Variants in PTCRA observed in about 807,000 individuals in gnomAD.
The protein encoded by PTCRA is pre T cell antigen receptor alpha.
In PTCRA, 9 loss-of-function variants were observed where a neutral mutation model predicts 13.4. The ratio of observed to expected loss-of-function variants is 0.67; its 90% CI spans 0.41 to 1.18. The LOEUF (loss-of-function observed/expected upper bound fraction) is 1.18, where lower values mean the gene tolerates loss of function less well. PTCRA is among the 50% of genes most tolerant of loss of function. The pLI, the probability that PTCRA is intolerant of heterozygous loss-of-function variation, is 0.01. For missense variants in PTCRA, 353 were observed against 359.8 expected, an observed-to-expected ratio of 0.98 and a Z score of 0.15; for synonymous variants, 153 against 161.9, an observed-to-expected ratio of 0.94 and a Z score of 0.42.
chr6:42,925,168 G>C lies in PTCRA; in HGVS notation c.425-93G>C. 6.8e-7 allele frequency: 1 copy of C among 1,479,200 alleles called. No homozygotes were observed. Among genetic ancestry groups the C allele is most frequent in the Non-Finnish European group, 9.0e-7 (1 of 1,114,260 alleles). The allele number at this position is 1,479,200 out of a possible 1,614,324, so 91.6% of individuals were successfully genotyped here. On this transcript the variant is annotated intron_variant, in intron 3 of 3. Transcript: ENST00000304672. The surrounding 1 kb of genome is among the most constrained non-coding windows in gnomAD (Gnocchi z 4.4). ...CCTGGAGGAGGGGGTGAAGGGGACG[G>C]GCAAGGGCAGAGGACAAGGCCCTCT...
At position 42,917,526 on chromosome 6, in the gene PTCRA, ATATTATTATTAT is replaced by A. The variant is rs71547824; in HGVS notation, c.58+1432_58+1443del. ...CGTGAGCCACCTCACCCAGCCCGTT[ATATTATTATTAT>A]TATTATTATTATTATTATTATTATT... is the stretch of plus-strand genomic sequence containing the variant. On this transcript the variant is annotated intron_variant, in intron 1 of 3. Coordinates refer to ENST00000304672, the MANE Select transcript of PTCRA (RefSeq NM_138296.3). 3.9e-3 allele frequency among the ~76,000 whole-genome samples: 512 copies of A among 131,712 alleles called. 6 individuals are homozygous for A. The highest frequency in any genetic ancestry group is 0.012 in the Middle Eastern group (3 of 256). 86.4% of individuals were successfully genotyped at this position (131,712 alleles called of 152,430 possible).
In PTCRA at chr6:42,925,404, G is replaced by A; in HGVS notation, c.568G>A (p.Ala190Thr). 1 of 1,554,746 alleles carries A rather than the reference G, an allele frequency of 6.4e-7. No homozygotes were observed. Among genetic ancestry groups the A allele is most frequent in the Admixed American group, 1.9e-5 (1 of 51,566 alleles). Reference sequence around the variant, plus strand: ...CCCCGCAACCACCACCCGCCTGCGAGCCCTCGGCTCCCATCGACTGCACCC... The same window carrying A: ...CCCCGCAACCACCACCCGCCTGCGAACCCTCGGCTCCCATCGACTGCACCC... Reference protein sequence around the residue: ...PSPATTTRLRALGSHRLHPAT... With the variant: ...PSPATTTRLRTLGSHRLHPAT... Residue 190 changes from alanine (A) to threonine (T), a missense_variant, in exon 4 of 4, where the codon GCC becomes ACC. Physicochemically the swap from Ala to Thr is moderately conservative, Grantham distance 58. Transcript: ENST00000304672. The surrounding 1 kb of genome is among the most constrained non-coding windows in gnomAD (Gnocchi z 4.4).
Position 42,923,126 on chromosome 6 carries a change from C to T in PTCRA, c.158C>T (p.Ala53Val). The T allele has an allele frequency of 1.2e-6, 2 of 1,614,212 alleles. No individual in the cohort carries two copies. The highest frequency in any genetic ancestry group is 1.7e-6 in the Non-Finnish European group (2 of 1,180,016). ...GTGGTCTGCCTGGTCCTTGATGTTG[C>T]ACCCCCTGGCCTTGACAGCCCCATC... Reference protein sequence around the residue: ...MVVVCLVLDVAPPGLDSPIWF... With the variant: ...MVVVCLVLDVVPPGLDSPIWF... The change falls in exon 2 of 4, where the codon GCA becomes GTA. Residue 53 changes from alanine to valine, a missense_variant. Physicochemically the swap from Ala to Val is moderately conservative, Grantham distance 64. Coordinates refer to ENST00000304672, the MANE Select transcript of PTCRA (RefSeq NM_138296.3).
intron 2 of PTCRA, among the ~76,000 whole-genome samples, chr6:42,923,923 G>A (rs899385531): frequency 6.6e-6 from 1 of 152,204 alleles, no homozygotes. Flanking sequence ...AAATGGGAAT[G>A]TTTGTTAACT....
intron 3 of PTCRA, among the ~76,000 whole-genome samples, chr6:42,924,838 G>A (rs1009375446): frequency 6.6e-6 from 1 of 152,092 alleles, no homozygotes; most frequent in Non-Finnish European, 1.5e-5. Flanking sequence ...GAGCGTGATG[G>A]CACACGCCTG....
chr6:42,920,635 C>A (rs1292627327), intron 1 of PTCRA, among the ~76,000 whole-genome samples: 2 of 151,846 alleles, frequency 1.3e-5, no homozygotes, highest in Non-Finnish European at 2.9e-5. Flanking sequence ...CCGTGTTAGC[C>A]AGGATGGTCT....
Position 42,925,239 on chromosome 6 carries a change from C to A in PTCRA, c.425-22C>A. The A allele has an allele frequency of 6.3e-7, 1 of 1,574,974 alleles. No individual in the cohort carries two copies. Among genetic ancestry groups the A allele is most frequent in the Non-Finnish European group, 8.6e-7 (1 of 1,167,978 alleles). ...AGGGGGCTGCGGGCTCCTGCGGGCT[C>A]CTGAGCGGTTCCTCCTCGCAGGGAC... is the stretch of plus-strand genomic sequence containing the variant. On this transcript the variant is annotated intron_variant, in intron 3 of 3. Transcript: ENST00000304672. The surrounding 1 kb of genome is among the most constrained non-coding windows in gnomAD (Gnocchi z 4.4).
intron 1 of PTCRA, among the ~76,000 whole-genome samples, chr6:42,918,235 G>A (rs1433678712): frequency 1.4e-5 from 2 of 147,140 alleles, no homozygotes; most frequent in Non-Finnish European, 3.0e-5. Flanking sequence ...CAGGCTAGGC[G>A]ACAGAACCAG....
At chr6:42,922,928 G>A in intron 1 of PTCRA, 99 bp from the exon 2 acceptor site, 1 of 1,118,772 alleles carries the variant, frequency 8.9e-7, no homozygotes. Flanking sequence ...AGGATGGATG[G>A]ATGGAAAGAC....
At position 42,925,722 on chromosome 6, in the gene PTCRA, C is replaced by CT; in HGVS notation, c.*41dup. ...CTCCCCTGCGTCACACTGTGTGAGG[C>CT]TGTGTCTCTGCCATCCAAAAGGGGG... On this transcript the variant is annotated 3_prime_UTR_variant, in exon 4 of 4. Transcript: ENST00000304672. This position sits in a 1 kb window ranked among gnomAD's most constrained non-coding sequence, Gnocchi z 4.4. 7.2e-7 allele frequency: 1 copy of CT among 1,396,864 alleles called. No individual in the cohort carries two copies. The highest frequency in any genetic ancestry group is 9.6e-7 in the Non-Finnish European group (1 of 1,040,362). The allele number at this position is 1,396,864 out of a possible 1,614,324, so 86.5% of individuals were successfully genotyped here. A position where few individuals can be genotyped will look rare whatever the true frequency, so the allele number is the denominator to read the frequency against.
In PTCRA at chr6:42,920,843, G is replaced by T. The variant is rs1767120336; in HGVS notation, c.59-2184G>T. On this transcript the variant is annotated intron_variant, in intron 1 of 3. Coordinates refer to ENST00000304672, the MANE Select transcript of PTCRA (RefSeq NM_138296.3). ...TTTTTTTTTTCACTCTGTCACCCAG[G>T]CTGGAGTGCAGTGACGCGATCTCAG... Among the ~76,000 whole-genome samples, 6 of 150,056 alleles carry T rather than the reference G, an allele frequency of 4.0e-5. No homozygotes were observed. The South Asian group carries it at 1.3e-3, about 31-fold the overall frequency.
chr6:42,916,149 C>G (rs764163685), intron 1 of PTCRA, 22 bp downstream of exon 1: 4 of 1,610,800 alleles, frequency 2.5e-6, no homozygotes, highest in Non-Finnish European at 3.4e-6. Context: ...CTTTGCCTTC[C>G]TCTCTGTCCC....
intron 1 of PTCRA, among the ~76,000 whole-genome samples, chr6:42,917,214 T>C (rs1766912915): frequency 7.3e-6 from 1 of 136,558 alleles, no homozygotes; most frequent in Non-Finnish European, 1.5e-5. Flanking sequence ...ATTATTATTA[T>C]TATTATTATT....
In PTCRA at chr6:42,919,032, G is replaced by A. The variant is rs149608582; in HGVS notation, c.58+2905G>A. ...TCTCGATCTCCTGACCTCATGATCC[G>A]TCCACCTATTTTTTTTTTTTTTAAT... On this transcript the variant is annotated intron_variant, in intron 1 of 3. Transcript: ENST00000304672. Among the ~76,000 whole-genome samples the A allele has an allele frequency of 3.6e-4, 52 of 145,196 alleles. No individual in the cohort carries two copies. In the East Asian group the frequency reaches 9.8e-3, roughly 27 times the overall value.
rs1477719793 is a variant in PTCRA, at chr6:42,922,259, G to C, written c.59-768G>C. 3 of 702,508 alleles carry C rather than the reference G, an allele frequency of 4.3e-6. No individual in the cohort carries two copies. The Admixed American group carries it at 6.0e-5, about 14-fold the overall frequency. 43.5% of individuals were successfully genotyped at this position (702,508 alleles called of 1,614,324 possible). A position where few individuals can be genotyped will look rare whatever the true frequency, so the allele number is the denominator to read the frequency against. On this transcript the variant is annotated intron_variant, in intron 1 of 3. Transcript: ENST00000304672. ...TTCCTCACCAGAGGCTGCCACAACA[G>C]GGTATTACAAGTATTTTTTTTACAC...
intron 3 of PTCRA, among the ~76,000 whole-genome samples, chr6:42,924,691 G>A (rs1767339442): frequency 6.6e-6 from 1 of 152,126 alleles, no homozygotes. Flanking sequence ...AGAATTTTGA[G>A]GCCGGGTGCG....
rs1428965092 is a variant in PTCRA at position 42,923,165 on chromosome 6, G to T, written c.197G>T (p.Gly66Val). Residue 66 changes from glycine to valine, a missense_variant, in exon 2 of 4, where the codon GGC (glycine) becomes GTC (valine). Physicochemically the swap from Gly to Val is moderately radical, Grantham distance 109. Coordinates refer to ENST00000304672, the MANE Select transcript of PTCRA (RefSeq NM_138296.3). Reference sequence around the variant, plus strand: ...GACAGCCCCATCTGGTTCTCAGCCGGCAATGGCAGTGCACTGGATGCCTTC... The same window carrying T: ...GACAGCCCCATCTGGTTCTCAGCCGTCAATGGCAGTGCACTGGATGCCTTC... ...GLDSPIWFSA[G>V]NGSALDAFTY... The T allele has an allele frequency of 1.9e-6, 3 of 1,614,104 alleles. No individual in the cohort carries two copies. Among genetic ancestry groups the T allele is most frequent in the African/African-American group, 2.7e-5 (2 of 74,916 alleles).
Position 42,923,010 on chromosome 6 carries a change from T to G in PTCRA, c.59-17T>G, listed in dbSNP as rs775620871. On this transcript the variant is annotated splice_polypyrimidine_tract_variant and intron_variant, in intron 1 of 3. Transcript: ENST00000304672. The stretch of plus-strand genomic sequence containing the variant: ...CAAAAGCTGGTCTAGCACCCACAGG[T>G]ACATGCTCTCTTGCAGGTGTGGGCG... 1.9e-6 allele frequency: 3 copies of G among 1,613,266 alleles called. No homozygotes were observed. The African/African-American group carries it at 4.0e-5, about 22-fold the overall frequency.
chr6:42,919,727 G>GA (rs1367486223), intron 1 of PTCRA, among the ~76,000 whole-genome samples: 1 of 1,194 alleles, frequency 8.4e-4, no homozygotes, highest in African/African-American at 3.6e-3. Flanking sequence ...AAAAAAAAAA[G>GA]AAAAAAAATT....
Sources: allele counts gnomAD v4.1 joint callset (sites outside exome capture counted in the v4.1 genomes callset), GRCh38; gene constraint gnomAD v4.1.1; non-coding constraint Gnocchi (gnomAD v3.1); transcripts MANE v1.5; gene names NCBI Gene and HGNC (gene_info 2026-07-23, HGNC 2026-07-21).